THSD4: variants seen among roughly 807,000 people sequenced by gnomAD.
The protein encoded by THSD4 is thrombospondin type 1 domain containing 4.
THSD4 carries 69 observed loss-of-function variants against 119.0 expected under a neutral mutation model. The observed-to-expected ratio is 0.58, with a 90% CI of 0.48 to 0.71. The LOEUF is 0.71. Among genes scored for constraint, THSD4 ranks in the 30% least tolerant of loss-of-function variants. The probability of loss-of-function intolerance (pLI) is 0.00; values close to 1 mark genes in which losing one functional copy is unlikely to be tolerated. For synonymous variants in THSD4, 524 were observed against 540.4 expected (o/e 0.97, Z 0.42); for missense variants, 1,393 against 1,391.1 (o/e 1.00, Z -0.02).
chr15:71,235,022 A>G (rs937619047), intron 4 of THSD4, among the ~76,000 whole-genome samples: 2 of 152,214 alleles, frequency 1.3e-5, no homozygotes, highest in Admixed American at 6.5e-5. Flanking sequence ...TTTAATGTCT[A>G]TAAAAACCTT....
At chr15:71,578,138 A>C (rs896180602) in intron 7 of THSD4, among the ~76,000 whole-genome samples, 1 of 149,576 alleles carries the variant, frequency 6.7e-6, no homozygotes, top group African/African-American at 2.4e-5. Flanking sequence ...ATATATATAC[A>C]TTATATCTAT....
chr15:71,286,955 G>C (rs1423912957), intron 6 of THSD4, among the ~76,000 whole-genome samples: 1 of 152,064 alleles, frequency 6.6e-6, no homozygotes, highest in Non-Finnish European at 1.5e-5. Flanking sequence ...TTATAGTAGG[G>C]AAATTTCACT....
intron 7 of THSD4, among the ~76,000 whole-genome samples, chr15:71,629,669 A>G (rs1011950480): frequency 6.6e-6 from 1 of 151,756 alleles, no homozygotes; most frequent in East Asian, 1.9e-4. Context: ...TGCGTCTTCT[A>G]CCTCCCCACA....
At chr15:71,122,712 T>C (rs1310170666) in intron 1 of THSD4, among the ~76,000 whole-genome samples, 1 of 152,216 alleles carries the variant, frequency 6.6e-6, no homozygotes. Context: ...ATGCTTTTCA[T>C]CATTTTGCTC....
At chr15:71,153,754 G>T (rs1263626601) in intron 2 of THSD4, among the ~76,000 whole-genome samples, 1 of 152,120 alleles carries the variant, frequency 6.6e-6, no homozygotes, top group Non-Finnish European at 1.5e-5. Flanking sequence ...GCCTCAAAAA[G>T]GTTGGGAACC....
At chr15:71,695,235 C>T (rs1362117500) in intron 8 of THSD4, among the ~76,000 whole-genome samples, 1 of 152,136 alleles carries the variant, frequency 6.6e-6, no homozygotes, top group Non-Finnish European at 1.5e-5. Flanking sequence ...CCCAAGTGTG[C>T]ATCCCTAGGC....
At chr15:71,374,752 C>A (rs2046107857) in intron 6 of THSD4, among the ~76,000 whole-genome samples, 1 of 152,140 alleles carries the variant, frequency 6.6e-6, no homozygotes, top group African/African-American at 2.4e-5. Context: ...AAGGAAAACG[C>A]CCAATCTCTG....
chr15:71,594,441 T>C (rs188745622), intron 7 of THSD4, among the ~76,000 whole-genome samples: 3 of 152,236 alleles, frequency 2.0e-5, no homozygotes, highest in East Asian at 1.9e-4. Flanking sequence ...ACTCCTGACC[T>C]CATGATCCAC....
At chr15:71,677,705 G>A (rs1194670006) in intron 8 of THSD4, among the ~76,000 whole-genome samples, 4 of 152,124 alleles carry the variant, frequency 2.6e-5, no homozygotes, top group Non-Finnish European at 5.9e-5. Context: ...TGTATTGATA[G>A]TTAGCACCTA....
intron 6 of THSD4, among the ~76,000 whole-genome samples, chr15:71,292,412 C>A (rs1240866736): frequency 6.6e-6 from 1 of 152,056 alleles, no homozygotes; most frequent in Non-Finnish European, 1.5e-5. Flanking sequence ...ATTCTCTGTT[C>A]TTTATTTCTG....
chr15:71,330,352 A>G (rs2045405612), intron 6 of THSD4, among the ~76,000 whole-genome samples: 1 of 152,198 alleles, frequency 6.6e-6, no homozygotes, highest in Admixed American at 6.5e-5. Flanking sequence ...TAAGAATGGC[A>G]TGCAGTTGTC....
chr15:71,387,336 C>G (rs2046307335), intron 6 of THSD4, among the ~76,000 whole-genome samples: 1 of 152,102 alleles, frequency 6.6e-6, no homozygotes, highest in Non-Finnish European at 1.5e-5. Context: ...TGATTCTCTC[C>G]AAACCAAATG....
In THSD4 at chr15:71,215,775, G is replaced by A. The variant is rs1052356157; in HGVS notation, c.464+376G>A. Among the ~76,000 whole-genome samples, 16 of 152,150 alleles carry A rather than the reference G, an allele frequency of 1.1e-4. 1 individual carries two copies. The highest frequency in any genetic ancestry group is 1.8e-4 in the Non-Finnish European group (12 of 68,022). On this transcript the variant is annotated intron_variant, in intron 4 of 17. Transcript: ENST00000261862. ...GTGTGGATTAAAGCTGAGGACACAA[G>A]ACGAGAAGAAGTGTGTCTAACCGGA...
At chr15:71,575,296 A>G (rs1386041865) in intron 7 of THSD4, among the ~76,000 whole-genome samples, 1 of 152,188 alleles carries the variant, frequency 6.6e-6, no homozygotes, top group African/African-American at 2.4e-5. Context: ...ACCATGTGAC[A>G]TGTATTTTGG....
chr15:71,205,360 GAGAA>G (rs1425499943), intron 3 of THSD4, among the ~76,000 whole-genome samples: 1 of 152,190 alleles, frequency 6.6e-6, no homozygotes, highest in African/African-American at 2.4e-5. Flanking sequence ...CAGGTATTGA[GAGAA>G]AGCCTTCGGG....
intron 6 of THSD4, among the ~76,000 whole-genome samples, chr15:71,349,208 A>G (rs2045710489): frequency 6.6e-6 from 1 of 152,100 alleles, no homozygotes; most frequent in Non-Finnish European, 1.5e-5. Context: ...AAACAAGGCT[A>G]CTCTGAGTTA....
intron 1 of THSD4, among the ~76,000 whole-genome samples, chr15:71,127,450 A>G (rs1032761489): frequency 1.3e-5 from 2 of 152,248 alleles, no homozygotes; most frequent in African/African-American, 4.8e-5. Flanking sequence ...TTCCTAGATC[A>G]TATGGTAATT....
intron 7 of THSD4, among the ~76,000 whole-genome samples, chr15:71,607,392 T>C (rs1595781291): frequency 1.3e-5 from 2 of 152,200 alleles, no homozygotes; most frequent in Non-Finnish European, 1.5e-5. Context: ...GATGTTAACA[T>C]AGGAAAGTCT....
intron 4 of THSD4, among the ~76,000 whole-genome samples, chr15:71,237,388 G>C (rs1422452750): frequency 6.6e-6 from 1 of 152,192 alleles, no homozygotes; most frequent in Non-Finnish European, 1.5e-5. Flanking sequence ...TGAGTCTGAT[G>C]CTTGTTCAAG....
Sources: allele counts gnomAD v4.1 joint callset (sites outside exome capture counted in the v4.1 genomes callset), GRCh38; gene constraint gnomAD v4.1.1; transcripts MANE v1.5; gene names NCBI Gene and HGNC (gene_info 2026-07-23, HGNC 2026-07-21).